The following PCDHA4 variants were observed in gnomAD, a reference collection of about 807,000 sequenced individuals.
The protein encoded by PCDHA4 is protocadherin alpha-4.
In PCDHA4, 49 loss-of-function variants were observed where a neutral mutation model predicts 61.4. That is an observed-to-expected ratio of 0.80 (90% CI 0.63 to 1.01). The LOEUF (loss-of-function observed/expected upper bound fraction) is 1.01, where lower values mean the gene tolerates loss of function less well. Ranked by LOEUF, PCDHA4 falls within the 50% of genes least tolerant of loss-of-function variation. The pLI, the probability that PCDHA4 is intolerant of heterozygous loss-of-function variation, is 0.00. For missense variants in PCDHA4, 1,254 were observed against 1,235.8 expected, an observed-to-expected ratio of 1.01 and a Z score of -0.22; for synonymous variants, 590 against 550.3, an observed-to-expected ratio of 1.07 and a Z score of -1.01.
chr5:140,867,042 G>A (rs782113838), intron 1 of PCDHA4: 4 of 152,084 alleles, frequency 2.6e-5, no homozygotes, highest in Non-Finnish European at 4.4e-5. Flanking sequence ...ATGACTTGGC[G>A]TTTGTTCAGT....
chr5:140,857,081 A>G, intron 1 of PCDHA4: 1 of 1,597,048 alleles, frequency 6.3e-7, no homozygotes, highest in African/African-American at 1.3e-5. Context: ...TGAAAATGAT[A>G]ATTCACCTGA....
intron 3 of PCDHA4, 64 bp downstream of exon 3, chr5:140,982,627 T>A: frequency 6.3e-7 from 1 of 1,581,770 alleles, no homozygotes; most frequent in Non-Finnish European, 8.6e-7. Flanking sequence ...GACCTACTTT[T>A]GTAAGATCAG....
At chr5:140,975,283 A>G (rs1554236730) in intron 1 of PCDHA4, among the ~76,000 whole-genome samples, 1 of 152,122 alleles carries the variant, frequency 6.6e-6, no homozygotes, top group Non-Finnish European at 1.5e-5. Context: ...TGACCTCTAG[A>G]CCCAGATTTA....
At chr5:140,977,141 C>T (rs1264237183) in intron 1 of PCDHA4, among the ~76,000 whole-genome samples, 1 of 152,204 alleles carries the variant, frequency 6.6e-6, no homozygotes, top group Non-Finnish European at 1.5e-5. Flanking sequence ...GTCAGTCCTG[C>T]TGGAACTGTG....
chr5:140,980,363 G>A (rs1477868054), intron 2 of PCDHA4, among the ~76,000 whole-genome samples: 1 of 152,204 alleles, frequency 6.6e-6, no homozygotes, highest in Non-Finnish European at 1.5e-5. Context: ...TGGGCGCGGT[G>A]GCTCACACCT....
rs143002904 is a variant in PCDHA4, at chr5:140,856,290, G to T, written c.2385+46718G>T. 5.0e-6 allele frequency: 8 copies of T among 1,598,368 alleles called. 2 individuals are homozygous for T. The African/African-American group carries it at 8.1e-5, about 16-fold the overall frequency. ...CTTCTGGAGGTAAATCTGCAGAATGGCATTTTGTTTGTGAATTCTCGGATT... is the reference window on the plus strand; with the variant it reads ...CTTCTGGAGGTAAATCTGCAGAATGTCATTTTGTTTGTGAATTCTCGGATT... On this transcript the variant is annotated intron_variant, in intron 1 of 3. Coordinates refer to ENST00000530339, the MANE Select transcript of PCDHA4 (RefSeq NM_018907.4).
chr5:140,967,204 G>C, intron 1 of PCDHA4: 10 of 1,613,634 alleles, frequency 6.2e-6, no homozygotes, highest in Non-Finnish European at 8.5e-6. Context: ...ACAACTCACC[G>C]CGTTTCCCGC....
intron 1 of PCDHA4, chr5:140,822,264 AAATGCACAATTGAGATACAGGTTAAATCC>A: frequency 6.2e-7 from 1 of 1,614,278 alleles, no homozygotes; most frequent in African/African-American, 1.3e-5. Context: ...ATATTGGAGC[AAATGCACAATTGAGATACAGGTTAAATCC>A]AAACGAATAT....
chr5:140,841,497 T>G, intron 1 of PCDHA4: 6 of 1,613,288 alleles, frequency 3.7e-6, no homozygotes, highest in Non-Finnish European at 5.1e-6. Context: ...CTGGCGGAGC[T>G]GGTGCCGCGC....
At chr5:140,986,946 G>A (rs544796668) in intron 3 of PCDHA4, among the ~76,000 whole-genome samples, 9 of 152,230 alleles carry the variant, frequency 5.9e-5, no homozygotes, top group South Asian at 2.1e-4. Context: ...GGGTGTGGTC[G>A]CTCATGCCTG....
chr5:140,860,179 T>C (rs1448179121), intron 1 of PCDHA4: 2 of 148,944 alleles, frequency 1.3e-5, no homozygotes, highest in African/African-American at 4.9e-5. Flanking sequence ...ATATATATGA[T>C]GGGCTCTCCT....
At position 140,809,344 on chromosome 5, in the gene PCDHA4, CGCGCTGCGGTGCTCT is replaced by C. The variant is rs1562224731; in HGVS notation, c.2165_2179del (p.Arg722_Leu726del). On this transcript the variant is annotated inframe_deletion, in exon 1 of 4. Transcript: ENST00000530339. ...TGGTGCTCACGCTGCTGCTGTACAC[CGCGCTGCGGTGCTCT>C]GCGCTGCCCACCGAGGGCGCGTGCG... 1.9e-6 allele frequency: 3 copies of C among 1,614,082 alleles called. No individual in the cohort carries two copies. Among genetic ancestry groups the C allele is most frequent in the Admixed American group, 1.7e-5 (1 of 60,028 alleles).
intron 1 of PCDHA4, among the ~76,000 whole-genome samples, chr5:140,887,136 G>A (rs1460345753): frequency 2.2e-4 from 33 of 148,834 alleles, no homozygotes; most frequent in Middle Eastern, 3.2e-3. Context: ...TCACTCTGTC[G>A]CCCAGGCTGG....
At chr5:140,943,070 A>G (rs2093413648) in intron 1 of PCDHA4, among the ~76,000 whole-genome samples, 2 of 152,004 alleles carry the variant, frequency 1.3e-5, no homozygotes, top group Non-Finnish European at 2.9e-5. Context: ...CAGCCTGACC[A>G]ACATGGTGAA....
At chr5:140,959,259 C>G (rs781794121) in intron 1 of PCDHA4, among the ~76,000 whole-genome samples, 1 of 152,040 alleles carries the variant, frequency 6.6e-6, no homozygotes, top group African/African-American at 2.4e-5. Context: ...TGACTGTAGT[C>G]CCAGCTACCC....
intron 1 of PCDHA4, among the ~76,000 whole-genome samples, chr5:140,940,750 G>A (rs1274521070): frequency 2.6e-5 from 4 of 152,136 alleles, no homozygotes; most frequent in Non-Finnish European, 5.9e-5. Context: ...TTTTATGTGT[G>A]CCAACTTTTA....
chr5:140,968,614 A>G, intron 1 of PCDHA4: 5 of 1,614,142 alleles, frequency 3.1e-6, no homozygotes, highest in Non-Finnish European at 4.2e-6. Flanking sequence ...ACTCTGGGCA[A>G]AATGCTTGGC....
At chr5:140,857,708 G>C (rs1554150547) in intron 1 of PCDHA4, 8 of 1,597,392 alleles carry the variant, frequency 5.0e-6, no homozygotes, top group Non-Finnish European at 6.0e-6. Flanking sequence ...GCAGGTGTTC[G>C]TGCTGGACGA....
intron 3 of PCDHA4, among the ~76,000 whole-genome samples, chr5:140,982,811 A>G (rs1024619481): frequency 1.3e-5 from 2 of 150,966 alleles, no homozygotes; most frequent in Non-Finnish European, 1.5e-5. Flanking sequence ...GTGTGTGTGT[A>G]TGAAGTTTTT....
Sources: gnomAD v4.1 joint callset for allele counts (sites outside exome capture counted in the v4.1 genomes callset) on GRCh38, gnomAD v4.1.1 for gene constraint, MANE v1.5 for transcripts, NCBI Gene and HGNC (gene_info 2026-07-23, HGNC 2026-07-21) for gene names.